CIT: variants seen among roughly 807,000 people sequenced by gnomAD.
CIT encodes citron rho-interacting serine/threonine kinase, also known as citron Rho-interacting kinase.
In CIT, 79 loss-of-function variants were observed where a neutral mutation model predicts 272.7. That is an observed-to-expected ratio of 0.29 (90% confidence interval 0.24 to 0.35). The LOEUF is 0.35. Ranked by LOEUF, CIT falls within the 10% of genes least tolerant of loss-of-function variation. The probability of loss-of-function intolerance (pLI) is 1.00; values close to 1 mark genes in which losing one functional copy is unlikely to be tolerated. For missense variants in CIT, 1,909 were observed against 2,618.3 expected (o/e 0.73, Z 5.91); for synonymous variants, 948 against 995.6 (o/e 0.95, Z 0.90).
intron 28 of CIT, among the ~76,000 whole-genome samples, chr12:119,725,318 C>T (rs278104): frequency 0.22 from 32,862 of 151,852 alleles, 3,959 homozygotes; most frequent in Middle Eastern, 0.32. Flanking sequence ...CTCAGCTACT[C>T]GGGAGGCTGA....
intron 28 of CIT, among the ~76,000 whole-genome samples, chr12:119,723,712 T>C (rs1467846714): frequency 6.6e-6 from 1 of 152,154 alleles, no homozygotes; most frequent in Non-Finnish European, 1.5e-5. Context: ...ATTTTTTAAA[T>C]TGTCAATGGA....
chr12:119,773,280 A>C (rs1232335227), intron 16 of CIT, among the ~76,000 whole-genome samples: 1 of 152,200 alleles, frequency 6.6e-6, no homozygotes, highest in Non-Finnish European at 1.5e-5. Flanking sequence ...GGAAATAGAA[A>C]GATCTAAATG....
chr12:119,735,779 C>T (rs148414636), intron 24 of CIT, among the ~76,000 whole-genome samples: 1 of 152,250 alleles, frequency 6.6e-6, no homozygotes, highest in East Asian at 1.9e-4. Flanking sequence ...TTGGAGATGG[C>T]CATAGTCTTA....
chr12:119,699,740 T>C, intron 44 of CIT: 1 of 453,000 alleles, frequency 2.2e-6, no homozygotes, highest in Non-Finnish European at 4.5e-6. Context: ...TGATACCACA[T>C]GAAGCAGAAC....
At chr12:119,850,140 G>A (rs200087658) in intron 5 of CIT, 34 bp downstream of exon 5, 418 of 1,300,288 alleles carry the variant, frequency 3.2e-4, no homozygotes, top group Non-Finnish European at 4.5e-4. Context: ...CAGAGTGCTA[G>A]GCTAATTCCA....
At chr12:119,699,270 A>T (rs1023767069) in intron 44 of CIT, among the ~76,000 whole-genome samples, 1 of 151,916 alleles carries the variant, frequency 6.6e-6, no homozygotes, top group African/African-American at 2.4e-5. Flanking sequence ...AAAAAAAAAA[A>T]AAAAAAGACT....
At chr12:119,709,975 G>A (rs1957084146) in intron 39 of CIT, among the ~76,000 whole-genome samples, 1 of 152,154 alleles carries the variant, frequency 6.6e-6, no homozygotes, top group African/African-American at 2.4e-5. Context: ...CAAAGGGTTT[G>A]GCTTTAGATA....
intron 5 of CIT, among the ~76,000 whole-genome samples, chr12:119,839,767 T>C (rs997384324): frequency 6.6e-6 from 1 of 152,082 alleles, no homozygotes; most frequent in Non-Finnish European, 1.5e-5. Flanking sequence ...AGGGGCTATT[T>C]ACAAAGGTTC....
intron 46 of CIT, among the ~76,000 whole-genome samples, chr12:119,691,451 G>C (rs1955941975): frequency 6.6e-6 from 1 of 152,096 alleles, no homozygotes; most frequent in African/African-American, 2.4e-5. Context: ...AAGAGTCTCT[G>C]ACACCTGATG....
At chr12:119,863,478 C>T (rs1950424357) in intron 3 of CIT, among the ~76,000 whole-genome samples, 1 of 152,044 alleles carries the variant, frequency 6.6e-6, no homozygotes, top group South Asian at 2.1e-4. Flanking sequence ...ACCTACATAA[C>T]AAACCTGTAC....
intron 10 of CIT, among the ~76,000 whole-genome samples, chr12:119,802,370 A>G (rs1353534897): frequency 2.0e-5 from 3 of 152,238 alleles, no homozygotes; most frequent in Non-Finnish European, 4.4e-5. Flanking sequence ...CAGAAATTCC[A>G]GGAGGCTCCT....
intron 24 of CIT, among the ~76,000 whole-genome samples, chr12:119,737,179 C>T (rs962045715): frequency 1.3e-5 from 2 of 151,782 alleles, no homozygotes; most frequent in African/African-American, 2.4e-5. Flanking sequence ...TGGTGGCGGG[C>T]ACCTGTAGTC....
intron 3 of CIT, among the ~76,000 whole-genome samples, chr12:119,862,828 A>G (rs1348695453): frequency 8.0e-5 from 11 of 136,932 alleles, no homozygotes; most frequent in Non-Finnish European, 1.5e-4. Flanking sequence ...AAAAAAAAAA[A>G]AAAAAAAAAA....
At chr12:119,698,190 G>C in intron 44 of CIT, 136 bp from the exon 45 acceptor site, 1 of 747,522 alleles carries the variant, frequency 1.3e-6, no homozygotes, top group Non-Finnish European at 2.3e-6. Context: ...ATATCTATGC[G>C]CCAGAACAGT....
chr12:119,835,560 T>A (rs985680964), intron 5 of CIT, among the ~76,000 whole-genome samples: 2 of 152,214 alleles, frequency 1.3e-5, no homozygotes, highest in African/African-American at 4.8e-5. Context: ...TTGGAAGTTG[T>A]CTCATATGCT....
chr12:119,759,138 G>T (rs1324482408), intron 20 of CIT, among the ~76,000 whole-genome samples: 1 of 152,120 alleles, frequency 6.6e-6, no homozygotes, highest in Non-Finnish European at 1.5e-5. Context: ...CACAGCAGGG[G>T]TCTCCAACCC....
At chr12:119,813,074 G>A (rs11064917) in intron 9 of CIT, among the ~76,000 whole-genome samples, 1 of 152,334 alleles carries the variant, frequency 6.6e-6, no homozygotes, top group African/African-American at 2.4e-5. Context: ...CATGAGGGGA[G>A]GCCACCATTC....
At chr12:119,782,454 T>C in intron 13 of CIT, 64 bp downstream of exon 13, 2 of 1,582,904 alleles carry the variant, frequency 1.3e-6, no homozygotes, top group Non-Finnish European at 8.6e-7. Context: ...CAAACACGCC[T>C]CTCCTGAAAT....
intron 3 of CIT, among the ~76,000 whole-genome samples, chr12:119,864,311 G>C (rs1279873914): frequency 6.6e-6 from 1 of 151,946 alleles, no homozygotes; most frequent in Non-Finnish European, 1.5e-5. Context: ...TGTTGTGGTG[G>C]TGGTTTTGGA....
Sources: allele counts gnomAD v4.1 joint callset (sites outside exome capture counted in the v4.1 genomes callset), GRCh38; gene constraint gnomAD v4.1.1; transcripts MANE v1.5; gene names NCBI Gene and HGNC (gene_info 2026-07-23, HGNC 2026-07-21).